RRN3: variants seen among roughly 807,000 people sequenced by gnomAD.
RRN3 encodes the protein RNA polymerase I transcription factor RRN3.
Under a neutral mutation model 82.3 loss-of-function variants are expected in RRN3, and 38 were observed. The observed-to-expected ratio is 0.46, with a 90% confidence interval of 0.36 to 0.61. The LOEUF (loss-of-function observed/expected upper bound fraction) is 0.61, where lower values mean the gene tolerates loss of function less well. RRN3 is among the 20% of genes least tolerant of loss of function. The probability of loss-of-function intolerance (pLI) is 0.00; values close to 1 mark genes in which losing one functional copy is unlikely to be tolerated. For synonymous variants in RRN3, 284 were observed against 284.3 expected (o/e 1.00, Z 0.01); for missense variants, 726 against 793.1 (o/e 0.92, Z 1.02).
At position 15,065,273 on chromosome 16, in the gene RRN3, A is replaced by C. The variant is rs1302225327; in HGVS notation, c.1652T>G (p.Ile551Ser). The stretch of plus-strand genomic sequence containing the variant: ...GAAGGTGTCCAGCGGGTTTGTGCAG[A>C]TCTGCACTGAGTCTCCTCCAGCGGT... ...RSTAGGDSVQICTNPLDTFFP... is the reference protein window; with the variant it reads ...RSTAGGDSVQSCTNPLDTFFP... The change falls in exon 16 of 18, where the codon ATC becomes AGC. Residue 551 changes from isoleucine to serine, a missense_variant. This residue lies in a region of RRN3 where 166 missense variants were observed against 154.8 expected (regional missense o/e 1.07). Transcript: ENST00000198767. 1 of 1,613,870 alleles carries C rather than the reference A, an allele frequency of 6.2e-7. No individual in the cohort carries two copies. Among genetic ancestry groups the C allele is most frequent in the East Asian group, 2.2e-5 (1 of 44,884 alleles).
chr16:15,067,012 T>C (rs1191255870), intron 15 of RRN3, among the ~76,000 whole-genome samples: 1 of 149,204 alleles, frequency 6.7e-6, no homozygotes, highest in Non-Finnish European at 1.5e-5. Flanking sequence ...GCTTCATCCA[T>C]CCTCACTCTT....
In RRN3 at chr16:15,092,603, A is replaced by G; in HGVS notation, c.101T>C (p.Met34Thr). The change falls in exon 2 of 18, where the codon ATG becomes ACG. Residue 34 changes from methionine to threonine, a missense_variant. Physicochemically the swap from Met to Thr is moderately conservative, Grantham distance 81 (BLOSUM62 -1). Transcript: ENST00000198767. ...GAAAAAGTCATTCTCTAATGCACGC[A>G]TATTTGAAATCCTGTGGAACCAAGA... is the stretch of plus-strand genomic sequence containing the variant. The part of the protein sequence containing the change: ...LGASRTGISN[M>T]RALENDFFNS... The G allele has an allele frequency of 6.2e-7, 1 of 1,606,312 alleles. No individual in the cohort carries two copies. Among genetic ancestry groups the G allele is most frequent in the Non-Finnish European group, 8.5e-7 (1 of 1,173,432 alleles).
At chr16:15,068,560 C>T (rs2045080809) in intron 14 of RRN3, among the ~76,000 whole-genome samples, 1 of 152,288 alleles carries the variant, frequency 6.6e-6, no homozygotes, top group South Asian at 2.1e-4. Flanking sequence ...CATATGTTTG[C>T]AAGCTCAGTG....
At chr16:15,076,972 C>T (rs1302370265) in intron 9 of RRN3, among the ~76,000 whole-genome samples, 1 of 139,302 alleles carries the variant, frequency 7.2e-6, no homozygotes, top group Non-Finnish European at 1.6e-5. Context: ...GTGTCCCCAC[C>T]CAAATCACTT....
At chr16:15,093,263 C>G (rs1344254556) in intron 1 of RRN3, among the ~76,000 whole-genome samples, 1 of 152,186 alleles carries the variant, frequency 6.6e-6, no homozygotes, top group East Asian at 1.9e-4. Flanking sequence ...CTCGGCCTCC[C>G]AAAGTGCTGG....
At chr16:15,068,490 G>A (rs916636938) in intron 14 of RRN3, among the ~76,000 whole-genome samples, 2 of 152,210 alleles carry the variant, frequency 1.3e-5, no homozygotes, top group Admixed American at 6.5e-5. Flanking sequence ...CACCAAGGCA[G>A]CTTCTCTAAA....
chr16:15,094,269 G>T lies in RRN3; in HGVS notation c.-36C>A, dbSNP rs564636219. 8.7e-6 allele frequency: 13 copies of T among 1,487,400 alleles called. No individual in the cohort carries two copies. The African/African-American group carries it at 1.8e-4, about 21-fold the overall frequency. The allele number at this position is 1,487,400 out of a possible 1,614,324, so 92.1% of individuals were successfully genotyped here. A position where few individuals can be genotyped will look rare whatever the true frequency, so the allele number is the denominator to read the frequency against. ...TAACGCGACCGCTGCGCCTCAGGCC[G>T]GATGCCCAGCTCCTTCCAGCCACAG... On this transcript the variant is annotated 5_prime_UTR_variant, in exon 1 of 18. Transcript: ENST00000198767.
chr16:15,086,028 T>C, intron 5 of RRN3, 101 bp downstream of exon 5: 1 of 921,852 alleles, frequency 1.1e-6, no homozygotes, highest in Non-Finnish European at 1.6e-6. Flanking sequence ...CCAATATGCA[T>C]CTGGAATCTT....
intron 13 of RRN3, 96 bp downstream of exon 13, chr16:15,071,025 T>C: frequency 9.1e-7 from 1 of 1,094,096 alleles, no homozygotes; most frequent in Non-Finnish European, 1.3e-6. Flanking sequence ...TTTAAAAACA[T>C]GCCAAAAAAA....
chr16:15,091,144 C>A (rs1014118090), intron 3 of RRN3, among the ~76,000 whole-genome samples, 171 bp downstream of exon 3: 2 of 151,998 alleles, frequency 1.3e-5, no homozygotes, highest in Non-Finnish European at 2.9e-5. Flanking sequence ...GCAGCCATCA[C>A]CAAATGTCTT....
Position 15,084,739 on chromosome 16 carries a change from A to G in RRN3, c.533-34T>C, listed in dbSNP as rs527843283. ...AGAAAAGTTCAGAGTATGAGCATCA[A>G]AACAAAACTGAAGGGCGACACGCTT... On this transcript the variant is annotated intron_variant, in intron 6 of 17. Transcript: ENST00000198767. The G allele has an allele frequency of 4.0e-6, 6 of 1,506,222 alleles. No homozygotes were observed. The South Asian group carries it at 5.6e-5, about 14-fold the overall frequency. The allele number at this position is 1,506,222 out of a possible 1,614,324, so 93.3% of individuals were successfully genotyped here. A position where few individuals can be genotyped will look rare whatever the true frequency, so the allele number is the denominator to read the frequency against.
At chr16:15,091,280 T>A in intron 3 of RRN3, 35 bp downstream of exon 3, 2 of 1,604,200 alleles carry the variant, frequency 1.2e-6, no homozygotes, top group Middle Eastern at 4.5e-4. Flanking sequence ...ACAGTGGCAA[T>A]AATTTTGCTA....
intron 3 of RRN3, among the ~76,000 whole-genome samples, chr16:15,089,672 CGAGTGTAGTCT>C (rs2046044873): frequency 6.8e-6 from 1 of 147,486 alleles, no homozygotes; most frequent in Non-Finnish European, 1.5e-5. Flanking sequence ...TGGTGGCGGG[CGAGTGTAGTCT>C]CAGCTACTTG....
At chr16:15,074,468 A>G (rs1408471542) in intron 11 of RRN3, among the ~76,000 whole-genome samples, 1 of 152,248 alleles carries the variant, frequency 6.6e-6, no homozygotes, top group Non-Finnish European at 1.5e-5. Flanking sequence ...AAAACTGGCC[A>G]AACTCCATAT....
intron 13 of RRN3, among the ~76,000 whole-genome samples, 192 bp downstream of exon 13, chr16:15,070,928 GT>G: frequency 6.6e-6 from 1 of 152,030 alleles, no homozygotes; most frequent in Non-Finnish European, 1.5e-5. Flanking sequence ...TACATACAGG[GT>G]TTTATATATA....
intron 9 of RRN3, among the ~76,000 whole-genome samples, chr16:15,079,732 A>G (rs1227711150): frequency 1.3e-5 from 2 of 152,068 alleles, no homozygotes; most frequent in Non-Finnish European, 2.9e-5. Context: ...AGCTGGGATT[A>G]CAGGCACCCA....
At position 15,076,638 on chromosome 16, in the gene RRN3, G is replaced by A. The variant is rs536998519; in HGVS notation, c.778C>T (p.Arg260Trp). ...TCTTCAGCATCTTCAATACCCTGCCGGGATGCATTCACCTATAACAAAGGG... is the reference window on the plus strand; with the variant it reads ...TCTTCAGCATCTTCAATACCCTGCCAGGATGCATTCACCTATAACAAAGGG... ...KLLKLDVNASRQGIEDAEETA... is the reference protein window; with the variant it reads ...KLLKLDVNASWQGIEDAEETA... Residue 260 changes from arginine (R) to tryptophan (W), a missense_variant, in exon 10 of 18, where the codon CGG (arginine) becomes TGG (tryptophan). This residue lies in a region of RRN3 where 344 missense variants were observed against 394.5 expected (regional missense o/e 0.87). Coordinates refer to ENST00000198767, the MANE Select transcript of RRN3 (RefSeq NM_018427.5). 4.4e-6 allele frequency: 7 copies of A among 1,608,284 alleles called. No individual in the cohort carries two copies. The highest frequency in any genetic ancestry group is 3.3e-5 in the Admixed American group (2 of 59,996).
rs548761454 is a variant in RRN3 at position 15,086,354 on chromosome 16, G to A, written c.342+11C>T. On this transcript the variant is annotated intron_variant, in intron 4 of 17. Coordinates refer to ENST00000198767, the MANE Select transcript of RRN3 (RefSeq NM_018427.5). Reference sequence around the variant, plus strand: ...TTACATACTTTACAGTAAAATAAATGGTGAACTTACTAATATAATACTGAT... The same window carrying A: ...TTACATACTTTACAGTAAAATAAATAGTGAACTTACTAATATAATACTGAT... 6.2e-7 allele frequency: 1 copy of A among 1,613,314 alleles called. No individual in the cohort carries two copies. Among genetic ancestry groups the A allele is most frequent in the South Asian group, 1.1e-5 (1 of 91,014 alleles).
At chr16:15,080,169 A>C (rs2045639624) in intron 8 of RRN3, 73 bp from the exon 9 acceptor site, 2 of 1,497,844 alleles carry the variant, frequency 1.3e-6, no homozygotes, top group Admixed American at 5.5e-5. Flanking sequence ...GCAAAACATC[A>C]ATTACATGAC....
Sources: allele counts gnomAD v4.1 joint callset (sites outside exome capture counted in the v4.1 genomes callset), GRCh38; gene constraint gnomAD v4.1.1; regional missense constraint gnomAD v4.1.1; transcripts MANE v1.5; gene names NCBI Gene and HGNC (gene_info 2026-07-23, HGNC 2026-07-21).